Variants in NF1 observed in about 807,000 individuals in gnomAD.
NF1 encodes the protein neurofibromin.
In NF1, 122 loss-of-function variants were observed where a neutral mutation model predicts 325.7. The ratio of observed to expected loss-of-function variants is 0.37; its 90% CI spans 0.32 to 0.44. The LOEUF is 0.44. Among genes scored for constraint, NF1 ranks in the 20% least tolerant of loss-of-function variants. The pLI, the probability that NF1 is intolerant of heterozygous loss-of-function variation, is 1.00. For missense variants in NF1, 2,140 were observed against 3,415.4 expected, an observed-to-expected ratio of 0.63 and a Z score of 9.31; for synonymous variants, 1,091 against 1,186.0, an observed-to-expected ratio of 0.92 and a Z score of 1.65.
intron 36 of NF1, among the ~76,000 whole-genome samples, chr17:31,284,166 A>G (rs2068178846): frequency 6.6e-6 from 1 of 152,136 alleles, no homozygotes. Context: ...CAGTGGCATG[A>G]TCTCTGCTCA....
At chr17:31,266,001 A>G (rs1346726949) in intron 36 of NF1, among the ~76,000 whole-genome samples, 2 of 151,998 alleles carry the variant, frequency 1.3e-5, no homozygotes, top group Non-Finnish European at 2.9e-5. Flanking sequence ...TCAATCTGTG[A>G]CGTTATTTGG....
At chr17:31,263,131 A>G (rs1047729768) in intron 35 of NF1, among the ~76,000 whole-genome samples, 14 of 135,874 alleles carry the variant, frequency 1.0e-4, no homozygotes, top group Non-Finnish European at 1.9e-4. Flanking sequence ...AGATAAGATA[A>G]GATAAGATAA....
chr17:31,305,097 T>C (rs781032191), intron 36 of NF1: 5 of 1,614,046 alleles, frequency 3.1e-6, no homozygotes, highest in South Asian at 1.1e-5. Flanking sequence ...TGACAGTTGA[T>C]GTTGGTTGTG....
intron 38 of NF1, among the ~76,000 whole-genome samples, chr17:31,328,751 T>C (rs1397076156): frequency 6.6e-6 from 1 of 152,186 alleles, no homozygotes; most frequent in Non-Finnish European, 1.5e-5. Context: ...GAGGATAACA[T>C]AGCCCAGGTT....
At position 31,232,117 on chromosome 17, in the gene NF1, C is replaced by G. The variant is rs769941435; in HGVS notation, c.3242C>G (p.Ala1081Gly). The G allele has an allele frequency of 1.3e-5, 21 of 1,556,184 alleles. No individual in the cohort carries two copies. The highest frequency in any genetic ancestry group is 1.3e-4 in the Admixed American group (7 of 55,338). Residue 1081 changes from alanine (A) to glycine (G), a missense_variant, in exon 25 of 58, where the codon GCT becomes GGT. By Grantham distance (60) the Ala-to-Gly change is moderately conservative. Coordinates refer to ENST00000358273, the MANE Select transcript of NF1 (RefSeq NM_001042492.3). ...ASMEAVVSLL[A>G]GLPLQPEEGD... ...ATGGAAGCAGTAGTTTCACTTCTAG[C>G]TGGTCTCCCTCTGCAGCCTGAAGAA...
At chr17:31,234,921 T>A (rs2067175548) in intron 27 of NF1, among the ~76,000 whole-genome samples, 1 of 152,118 alleles carries the variant, frequency 6.6e-6, no homozygotes, top group Non-Finnish European at 1.5e-5. Flanking sequence ...CTTCTTATCA[T>A]GTGATTAAAC....
intron 1 of NF1, among the ~76,000 whole-genome samples, chr17:31,118,839 AGTT>A (rs1311323870): frequency 6.6e-6 from 1 of 152,118 alleles, no homozygotes; most frequent in Non-Finnish European, 1.5e-5. Flanking sequence ...TGGTATTTCT[AGTT>A]GTAGATCCTT....
At chr17:31,207,003 A>G (rs1370740888) in intron 12 of NF1, among the ~76,000 whole-genome samples, 1 of 152,184 alleles carries the variant, frequency 6.6e-6, no homozygotes, top group East Asian at 1.9e-4. Flanking sequence ...TCAATTTAAA[A>G]AGATAATTAT....
intron 1 of NF1, among the ~76,000 whole-genome samples, chr17:31,131,004 C>G (rs188929077): frequency 4.6e-5 from 7 of 152,270 alleles, no homozygotes; most frequent in Admixed American, 3.9e-4. Flanking sequence ...TGCAAGCATC[C>G]TGGCCAGGCT....
At chr17:31,109,753 A>T (rs938832498) in intron 1 of NF1, among the ~76,000 whole-genome samples, 2 of 152,100 alleles carry the variant, frequency 1.3e-5, no homozygotes, top group Non-Finnish European at 1.5e-5. Flanking sequence ...TTAATGACCT[A>T]TTGGTGCTGG....
chr17:31,332,726 C>T lies in NF1; in HGVS notation c.5813-2112C>T, dbSNP rs556679869. Among the ~76,000 whole-genome samples, 5 of 43,830 alleles carry T rather than the reference C, an allele frequency of 1.1e-4. 1 individual carries two copies. In the East Asian group the frequency reaches 2.8e-3, roughly 25 times the overall value. The allele number at this position is 43,830 out of a possible 152,430, so 28.8% of individuals were successfully genotyped here. ...TATATCTCCCAATGCTATCCCTCCC[C>T]CCTCCCCCGACCCCACCACAGTCCC... On this transcript the variant is annotated intron_variant, in intron 39 of 57. Transcript: ENST00000358273.
At chr17:31,271,847 C>G (rs1283750059) in intron 36 of NF1, among the ~76,000 whole-genome samples, 1 of 151,968 alleles carries the variant, frequency 6.6e-6, no homozygotes, top group Non-Finnish European at 1.5e-5. Context: ...CTTCATCTCT[C>G]TGTCACTGTT....
intron 3 of NF1, among the ~76,000 whole-genome samples, 166 bp from the exon 4 acceptor site, chr17:31,163,020 A>G (rs2143668362): frequency 6.6e-6 from 1 of 152,278 alleles, no homozygotes; most frequent in East Asian, 1.9e-4. Context: ...CTATCTATAG[A>G]CAGATGTAGC....
chr17:31,335,096 T>C (rs1304119514), intron 40 of NF1, 65 bp downstream of exon 40: 1 of 1,391,890 alleles, frequency 7.2e-7, no homozygotes, highest in Non-Finnish European at 1.0e-6. Flanking sequence ...TGGTGCCACA[T>C]TGGGCAAAGC....
At chr17:31,098,591 A>G (rs1911988298) in intron 1 of NF1, among the ~76,000 whole-genome samples, 1 of 152,030 alleles carries the variant, frequency 6.6e-6, no homozygotes, top group Non-Finnish European at 1.5e-5. Flanking sequence ...TTACATTTTT[A>G]TTGAGGGGAG....
intron 1 of NF1, among the ~76,000 whole-genome samples, chr17:31,143,650 T>G (rs181047657): frequency 2.8e-4 from 43 of 152,330 alleles, no homozygotes; most frequent in South Asian, 1.4e-3. Flanking sequence ...TAATCCATTC[T>G]TTACCATTGA....
rs1233883371 is a variant in NF1, at chr17:31,265,241, T to C, written c.4737T>C (p.His1579=). The C allele has an allele frequency of 8.1e-6, 13 of 1,612,076 alleles. No homozygotes were observed. The highest frequency in any genetic ancestry group is 6.7e-5 in the African/African-American group (5 of 74,982). The part of the protein sequence containing the change: ...FEEFMTRHQV[H]EKEEFKALKT... ...ATTTTTCTTTTAGGCATCAGGTACA[T>C]GAAAAAGAAGAATTCAAGGCTTTGA... Residue 1579 remains histidine (H), a synonymous_variant, in exon 36 of 58, where the codon CAT becomes CAC. Coordinates refer to ENST00000358273, the MANE Select transcript of NF1 (RefSeq NM_001042492.3).
rs2066133060 is a variant in NF1 at position 31,181,503 on chromosome 17, T to C, written c.654+14T>C. On this transcript the variant is annotated intron_variant, in intron 6 of 57. Transcript: ENST00000358273. Reference sequence around the variant, plus strand: ...AGCCTGGAAAAGGTAAGTTACAACCTCTCTGGTATTAAAATTTTGTTTTTG... The same window carrying C: ...AGCCTGGAAAAGGTAAGTTACAACCCCTCTGGTATTAAAATTTTGTTTTTG... The C allele has an allele frequency of 6.2e-7, 1 of 1,611,980 alleles. No homozygotes were observed. The highest frequency in any genetic ancestry group is 8.5e-7 in the Non-Finnish European group (1 of 1,178,308).
At position 31,351,168 on chromosome 17, in the gene NF1, A is replaced by G. The variant is rs17882254; in HGVS notation, c.7457+850A>G. On this transcript the variant is annotated intron_variant, in intron 50 of 57. Coordinates refer to ENST00000358273, the MANE Select transcript of NF1 (RefSeq NM_001042492.3). Reference sequence around the variant, plus strand: ...TTCCCCTGTCAAAGTATAAATTAATATCTGATTTTCTTGGTTTTTAAACAA... The same window carrying G: ...TTCCCCTGTCAAAGTATAAATTAATGTCTGATTTTCTTGGTTTTTAAACAA... Among the ~76,000 whole-genome samples the G allele has an allele frequency of 6.7e-3, 1,023 of 152,238 alleles. 19 individuals are homozygous for G. Among genetic ancestry groups the G allele is most frequent in the African/African-American group, 0.023 (958 of 41,554 alleles).
Sources: allele counts gnomAD v4.1 joint callset (sites outside exome capture counted in the v4.1 genomes callset), GRCh38; gene constraint gnomAD v4.1.1; transcripts MANE v1.5; gene names NCBI Gene and HGNC (gene_info 2026-07-23, HGNC 2026-07-21).